MATN2: variants seen among roughly 807,000 people sequenced by gnomAD.
MATN2 encodes matrilin-2.
A neutral mutation model predicts 103.2 loss-of-function variants in MATN2; 69 were observed. That is an observed-to-expected ratio of 0.67 (90% CI 0.55 to 0.82). The LOEUF is 0.82. Among genes scored for constraint, MATN2 ranks in the 40% least tolerant of loss-of-function variants. MATN2 has a pLI of 0.00. For synonymous variants in MATN2, 429 were observed against 450.2 expected (o/e 0.95, Z 0.60); for missense variants, 1,023 against 1,211.5 (o/e 0.84, Z 2.31).
intron 2 of MATN2, among the ~76,000 whole-genome samples, chr8:97,889,141 C>T (rs1007824742): frequency 3.9e-5 from 6 of 152,024 alleles, no homozygotes; most frequent in African/African-American, 1.4e-4. Context: ...GCCAGCCACT[C>T]GAATCTGACC....
chr8:98,034,578 C>CAGAT (rs1263562589), intron 18 of MATN2, among the ~76,000 whole-genome samples: 1 of 152,122 alleles, frequency 6.6e-6, no homozygotes, highest in Non-Finnish European at 1.5e-5. Context: ...CTCAAGAGGG[C>CAGAT]AGATAGAGGG....
chr8:97,872,800 G>T (rs752365263), intron 1 of MATN2, among the ~76,000 whole-genome samples: 1 of 144,840 alleles, frequency 6.9e-6, no homozygotes, highest in Non-Finnish European at 1.5e-5. Context: ...AAGTCCCCCC[G>T]TTTTTTTTTT....
intron 1 of MATN2, among the ~76,000 whole-genome samples, chr8:97,887,342 C>T (rs1334026457): frequency 6.6e-6 from 1 of 152,150 alleles, no homozygotes; most frequent in Admixed American, 6.5e-5. Flanking sequence ...GCCATGGCAC[C>T]TAGACTTGAC....
Position 97,994,509 on chromosome 8 carries a change from G to C in MATN2, c.1111G>C (p.Gly371Arg). 1 of 1,612,854 alleles carries C rather than the reference G, an allele frequency of 6.2e-7. No individual in the cohort carries two copies. Among genetic ancestry groups the C allele is most frequent in the Non-Finnish European group, 8.5e-7 (1 of 1,179,490 alleles). ...AGACTACTGTGCCTCATCTAATCAC[G>C]GATGTCAGCACGAGTGTGTTAACAC... is the stretch of plus-strand genomic sequence containing the variant. ...KIDYCASSNH[G>R]CQHECVNTDD... The change falls in exon 7 of 19, where the codon GGA becomes CGA. Residue 371 changes from glycine (G) to arginine (R), a missense_variant. Physicochemically the swap from Gly to Arg is moderately radical, Grantham distance 125 (BLOSUM62 -2). Coordinates refer to ENST00000254898, the MANE Select transcript of MATN2 (RefSeq NM_002380.5).
At position 97,994,477 on chromosome 8, in the gene MATN2, CAGAGAT is replaced by C; in HGVS notation, c.1083_1088del (p.Lys361_Asp363delinsAsn). 6.3e-7 allele frequency: 1 copy of C among 1,598,682 alleles called. No individual in the cohort carries two copies. On this transcript the variant is annotated splice_acceptor_variant and coding_sequence_variant, in exon 7 of 19. Coordinates refer to ENST00000254898, the MANE Select transcript of MATN2 (RefSeq NM_002380.5). LOFTEE classifies it high-confidence loss of function. ...CATTCTTGTGATTTTTCCTTCTTGC[CAGAGAT>C]AGACTACTGTGCCTCATCTAATCAC... is the stretch of plus-strand genomic sequence containing the variant.
chr8:98,024,840 C>T (rs1347028716), intron 13 of MATN2: 1 of 147,370 alleles, frequency 6.8e-6, no homozygotes, highest in East Asian at 1.9e-4. Context: ...GAATTAACCT[C>T]TGGCAAAAAA....
chr8:97,899,476 A>C (rs980851782), intron 2 of MATN2, among the ~76,000 whole-genome samples: 3 of 152,156 alleles, frequency 2.0e-5, no homozygotes, highest in Non-Finnish European at 2.9e-5. Flanking sequence ...CTGGAGCTAG[A>C]AGTCTGAGCT....
chr8:97,910,136 A>G (rs1819319698), intron 2 of MATN2, among the ~76,000 whole-genome samples: 1 of 149,428 alleles, frequency 6.7e-6, no homozygotes, highest in South Asian at 2.1e-4. Flanking sequence ...ATCTCAGCTC[A>G]CTGCAACCTC....
At chr8:97,920,969 G>C (rs1435398332) in intron 2 of MATN2, among the ~76,000 whole-genome samples, 1 of 152,158 alleles carries the variant, frequency 6.6e-6, no homozygotes, top group Non-Finnish European at 1.5e-5. Context: ...GCTTGGACTT[G>C]CCATCCTGGC....
chr8:97,932,576 G>A (rs1048424678), intron 3 of MATN2, among the ~76,000 whole-genome samples: 2 of 151,974 alleles, frequency 1.3e-5, no homozygotes, highest in Non-Finnish European at 1.5e-5. Flanking sequence ...TCCTTCCCAC[G>A]CACTTTCCAG....
intron 2 of MATN2, among the ~76,000 whole-genome samples, chr8:97,898,413 T>C (rs753492344): frequency 2.2e-4 from 34 of 152,024 alleles, no homozygotes; most frequent in Non-Finnish European, 4.9e-4. Context: ...CTGGCCAACA[T>C]GGTGAAACCT....
rs1448033862 is a variant in MATN2, at chr8:97,887,991, C to G, written c.-26-84C>G. ...GTGGTCTGTTTGAACTCTGAAAAGG[C>G]GGGGCAGCGGGCCTGCAGCTCCTGG... is the stretch of plus-strand genomic sequence containing the variant. On this transcript the variant is annotated intron_variant, in intron 1 of 18. Transcript: ENST00000254898. 18 of 1,306,364 alleles carry G rather than the reference C, an allele frequency of 1.4e-5. No individual in the cohort carries two copies. The Admixed American group carries it at 4.9e-4, about 36-fold the overall frequency. The allele number at this position is 1,306,364 out of a possible 1,614,324, so 80.9% of individuals were successfully genotyped here.
At chr8:97,951,674 G>A (rs891969778) in intron 4 of MATN2, among the ~76,000 whole-genome samples, 2 of 152,152 alleles carry the variant, frequency 1.3e-5, no homozygotes, top group South Asian at 4.1e-4. Context: ...TTTATATTAA[G>A]AACATAATGT....
At chr8:97,903,339 G>T (rs1819052769) in intron 2 of MATN2, among the ~76,000 whole-genome samples, 1 of 152,142 alleles carries the variant, frequency 6.6e-6, no homozygotes, top group Admixed American at 6.5e-5. Flanking sequence ...GTTTCTCTGT[G>T]GAGTACCTGA....
chr8:98,022,257 C>T (rs1348962801), intron 13 of MATN2, among the ~76,000 whole-genome samples: 7 of 151,876 alleles, frequency 4.6e-5, no homozygotes, highest in Admixed American at 1.3e-4. Flanking sequence ...ATGTTACCAT[C>T]GATATATTTT....
At chr8:98,003,996 T>A (rs919257467) in intron 8 of MATN2, 8 of 542,462 alleles carry the variant, frequency 1.5e-5, no homozygotes, top group African/African-American at 1.3e-4. Flanking sequence ...TTAAAAGAAT[T>A]AATAGGAATA....
rs926833742 is a variant in MATN2 at position 97,964,603 on chromosome 8, T to C, written c.958+3073T>C. Among the ~76,000 whole-genome samples the C allele has an allele frequency of 6.6e-5, 10 of 151,724 alleles. No homozygotes were observed. In the South Asian group the frequency reaches 1.7e-3, roughly 25 times the overall value. Reference sequence around the variant, plus strand: ...ACGTGTGTGCACCACTGTGCCCAGCTAATTTATTTTTTGTAGAGACAGGGT... The same window carrying C: ...ACGTGTGTGCACCACTGTGCCCAGCCAATTTATTTTTTGTAGAGACAGGGT... On this transcript the variant is annotated intron_variant, in intron 5 of 18. Transcript: ENST00000254898.
In MATN2 at chr8:97,931,467, G is replaced by A. The variant is rs1377342338; in HGVS notation, c.657G>A (p.Val219=). ...CCCATGAGGACCATGTCTTCCTTGTGGCCAATTTCAGCCAGATTGAGACGC... is the reference window on the plus strand; with the variant it reads ...CCCATGAGGACCATGTCTTCCTTGTAGCCAATTTCAGCCAGATTGAGACGC... The part of the protein sequence containing the change: ...SEPHEDHVFL[V]ANFSQIETLT... Residue 219 remains valine (V), a synonymous_variant, in exon 3 of 19, where the codon GTG becomes GTA. Coordinates refer to ENST00000254898, the MANE Select transcript of MATN2 (RefSeq NM_002380.5). The surrounding 1 kb of genome is among the most constrained non-coding windows in gnomAD (Gnocchi z 4.1). The A allele has an allele frequency of 6.2e-7, 1 of 1,613,362 alleles. No individual in the cohort carries two copies. Among genetic ancestry groups the A allele is most frequent in the East Asian group, 2.2e-5 (1 of 44,892 alleles).
rs1334580394 is a variant in MATN2 at position 97,931,046 on chromosome 8, T to C, written c.236T>C (p.Phe79Ser). The C allele has an allele frequency of 1.6e-5, 26 of 1,613,912 alleles. No homozygotes were observed. The highest frequency in any genetic ancestry group is 2.0e-5 in the Non-Finnish European group (24 of 1,179,880). The change falls in exon 3 of 19, where the codon TTC (phenylalanine) becomes TCC (serine). Residue 79 changes from phenylalanine to serine, a missense_variant. Transcript: ENST00000254898. The surrounding 1 kb of genome is among the most constrained non-coding windows in gnomAD (Gnocchi z 4.1). ...NTHDYAKVKE[F>S]IVDILQFLDI... ...CATGACTATGCAAAGGTCAAGGAGTTCATCGTGGACATCTTGCAATTCTTG... is the reference window on the plus strand; with the variant it reads ...CATGACTATGCAAAGGTCAAGGAGTCCATCGTGGACATCTTGCAATTCTTG...
Sources: allele counts gnomAD v4.1 joint callset (sites outside exome capture counted in the v4.1 genomes callset), GRCh38; gene constraint gnomAD v4.1.1; non-coding constraint Gnocchi (gnomAD v3.1); transcripts MANE v1.5; gene names NCBI Gene and HGNC (gene_info 2026-07-23, HGNC 2026-07-21).